Variants in TAFA1 observed in about 807,000 individuals in gnomAD.
TAFA1 encodes chemokine-like protein TAFA-1.
TAFA1 carries 4 observed loss-of-function variants against 18.5 expected under a neutral mutation model. The observed-to-expected ratio is 0.22, with a 90% confidence interval of 0.11 to 0.49. TAFA1 has a LOEUF of 0.49. Ranked by LOEUF, TAFA1 falls within the 20% of genes least tolerant of loss-of-function variation. TAFA1 has a pLI of 0.98. For missense variants in TAFA1, 147 were observed against 169.0 expected, an observed-to-expected ratio of 0.87 and a Z score of 0.72; for synonymous variants, 56 against 55.2, an observed-to-expected ratio of 1.01 and a Z score of -0.06.
intron 2 of TAFA1, among the ~76,000 whole-genome samples, chr3:68,043,111 A>T (rs1004126528): frequency 2.0e-5 from 3 of 151,992 alleles, no homozygotes; most frequent in Admixed American, 2.0e-4. Context: ...TCCTCACGTG[A>T]TCTGCCTGCC....
intron 2 of TAFA1, among the ~76,000 whole-genome samples, chr3:68,303,719 G>A (rs1016685195): frequency 1.3e-5 from 2 of 152,048 alleles, no homozygotes; most frequent in Non-Finnish European, 1.5e-5. Flanking sequence ...AAAGTGCTGG[G>A]ATTACAGGCG....
intron 1 of TAFA1, chr3:68,006,350 C>T (rs1333025618): frequency 2.1e-5 from 8 of 381,892 alleles, no homozygotes. Context: ...TTGTTTTAAA[C>T]CGACTAACTG....
intron 2 of TAFA1, among the ~76,000 whole-genome samples, chr3:68,323,671 A>T (rs1172800665): frequency 6.6e-6 from 1 of 152,202 alleles, no homozygotes; most frequent in Non-Finnish European, 1.5e-5. Flanking sequence ...AATGATACAA[A>T]TATTGTATAT....
chr3:68,334,605 T>C (rs529162351), intron 2 of TAFA1, among the ~76,000 whole-genome samples: 6 of 152,148 alleles, frequency 3.9e-5, no homozygotes, highest in Non-Finnish European at 8.8e-5. Flanking sequence ...CCTAAGATTC[T>C]GCATTTTTAA....
chr3:68,388,597 C>T (rs2070157743), intron 2 of TAFA1, among the ~76,000 whole-genome samples: 1 of 152,024 alleles, frequency 6.6e-6, no homozygotes, highest in African/African-American at 2.4e-5. Context: ...TTTTTATTTG[C>T]TTTTCCCAAC....
intron 2 of TAFA1, among the ~76,000 whole-genome samples, chr3:68,045,587 A>G (rs1398345208): frequency 6.6e-6 from 1 of 152,136 alleles, no homozygotes; most frequent in Non-Finnish European, 1.5e-5. Context: ...TACTAGATAT[A>G]TGGCCAATGG....
chr3:68,135,584 C>G (rs1317152280), intron 2 of TAFA1, among the ~76,000 whole-genome samples: 1 of 152,216 alleles, frequency 6.6e-6, no homozygotes, highest in African/African-American at 2.4e-5. Context: ...AAACCACCAT[C>G]TCATAGGGTT....
At chr3:68,243,232 T>C (rs2067024290) in intron 2 of TAFA1, among the ~76,000 whole-genome samples, 1 of 152,156 alleles carries the variant, frequency 6.6e-6, no homozygotes, top group Non-Finnish European at 1.5e-5. Context: ...CCAGTGTTAA[T>C]TAACATCATG....
intron 2 of TAFA1, among the ~76,000 whole-genome samples, chr3:68,021,457 G>A (rs1397736113): frequency 1.3e-5 from 2 of 151,954 alleles, no homozygotes; most frequent in Non-Finnish European, 2.9e-5. Context: ...TAATTGTGTT[G>A]TTCTTACAAT....
chr3:67,995,448 C>T, the TAFA1 span, among the ~76,000 whole-genome samples: 1 of 152,234 alleles, frequency 6.6e-6, no homozygotes, highest in South Asian at 2.1e-4. Context: ...GGATTTCTGG[C>T]TTAGGGACTC....
intron 2 of TAFA1, among the ~76,000 whole-genome samples, chr3:68,037,493 T>C (rs766556521): frequency 6.6e-6 from 1 of 152,218 alleles, no homozygotes; most frequent in Non-Finnish European, 1.5e-5. Flanking sequence ...TTAAAAAATG[T>C]CTAGGTGTTA....
At chr3:68,223,766 G>T (rs2066760848) in intron 2 of TAFA1, among the ~76,000 whole-genome samples, 1 of 152,090 alleles carries the variant, frequency 6.6e-6, no homozygotes, top group South Asian at 2.1e-4. Context: ...GATGAATGCT[G>T]ATCAGGACAA....
intron 3 of TAFA1, among the ~76,000 whole-genome samples, chr3:68,477,937 A>G (rs970115659): frequency 3.4e-4 from 52 of 152,328 alleles, no homozygotes; most frequent in African/African-American, 1.3e-3. Context: ...GATCATCAGT[A>G]ACACAGAAAT....
chr3:68,135,397 A>G (rs1335275252), intron 2 of TAFA1, among the ~76,000 whole-genome samples: 1 of 152,312 alleles, frequency 6.6e-6, no homozygotes, highest in Non-Finnish European at 1.5e-5. Context: ...CATGCTTTGC[A>G]TATCTGAGAT....
chr3:68,257,422 A>G (rs1232590928), intron 2 of TAFA1, among the ~76,000 whole-genome samples: 1 of 149,342 alleles, frequency 6.7e-6, no homozygotes, highest in Non-Finnish European at 1.5e-5. Flanking sequence ...TTATAAAGCC[A>G]TGGACGGTGT....
At chr3:68,374,443 T>C (rs530457978) in intron 2 of TAFA1, among the ~76,000 whole-genome samples, 1 of 152,312 alleles carries the variant, frequency 6.6e-6, no homozygotes, top group South Asian at 2.1e-4. Flanking sequence ...GTTATCTATA[T>C]ATACTGATAC....
chr3:68,422,880 C>T (rs1427711290), intron 3 of TAFA1, among the ~76,000 whole-genome samples: 1 of 151,898 alleles, frequency 6.6e-6, no homozygotes, highest in Non-Finnish European at 1.5e-5. Flanking sequence ...GGGGAGCATG[C>T]TACTCAATAT....
chr3:68,494,805 A>C (rs755763423), intron 3 of TAFA1, among the ~76,000 whole-genome samples: 8 of 152,224 alleles, frequency 5.3e-5, no homozygotes, highest in Non-Finnish European at 1.0e-4. Flanking sequence ...GGTTATTATA[A>C]GGATAAGATT....
At chr3:68,100,727 G>T (rs1046794675) in intron 2 of TAFA1, among the ~76,000 whole-genome samples, 2 of 151,902 alleles carry the variant, frequency 1.3e-5, no homozygotes, top group Non-Finnish European at 2.9e-5. Context: ...GATATTTTTT[G>T]AACATACCTT....
Sources: allele counts gnomAD v4.1 joint callset (sites outside exome capture counted in the v4.1 genomes callset), GRCh38; gene constraint gnomAD v4.1.1; transcripts MANE v1.5; gene names NCBI Gene and HGNC (gene_info 2026-07-23, HGNC 2026-07-21).